WWOX: variants seen among roughly 807,000 people sequenced by gnomAD.
The protein encoded by WWOX is WW domain containing oxidoreductase.
WWOX carries 69 observed loss-of-function variants against 46.2 expected under a neutral mutation model. The ratio of observed to expected loss-of-function variants is 1.49; its 90% confidence interval spans 1.23 to 1.82. WWOX has a LOEUF of 1.82. Among genes scored for constraint, WWOX ranks in the 40% most tolerant of loss-of-function variants. WWOX has a pLI of 0.00. For synonymous variants in WWOX, 359 were observed against 202.6 expected (o/e 1.77, Z -6.56); for missense variants, 919 against 542.6 (o/e 1.69, Z -6.89).
At chr16:79,108,038 C>T (rs1266974174) in intron 8 of WWOX, among the ~76,000 whole-genome samples, 2 of 152,186 alleles carry the variant, frequency 1.3e-5, no homozygotes, top group Non-Finnish European at 2.9e-5. Context: ...ATGAGAACTG[C>T]ATGCTGACAT....
In WWOX at chr16:78,816,502, CTTTTTTTTTTTTTT is replaced by C. The variant is rs55814418; in HGVS notation, c.1056+383767_1056+383780del. On this transcript the variant is annotated intron_variant, in intron 8 of 8. Coordinates refer to ENST00000566780, the MANE Select transcript of WWOX (RefSeq NM_016373.4). ...ATCTACCAGACAAGAAGGAGCCACTCTTTTTTTTTTTTTTTTTTTTTTTTTTTTTTGATACAATG... is the reference window on the plus strand; with the variant it reads ...ATCTACCAGACAAGAAGGAGCCACTCTTTTTTTTTTTTTTTTGATACAATG... Among the ~76,000 whole-genome samples, 22 of 42,090 alleles carry C rather than the reference CTTTTTTTTTTTTTT, an allele frequency of 5.2e-4. 1 individual carries two copies. Among genetic ancestry groups the C allele is most frequent in the African/African-American group, 1.7e-3 (19 of 10,928 alleles). 27.6% of individuals were successfully genotyped at this position (42,090 alleles called of 152,430 possible). A position where few individuals can be genotyped will look rare whatever the true frequency, so the allele number is the denominator to read the frequency against.
intron 5 of WWOX, among the ~76,000 whole-genome samples, chr16:78,386,262 T>A (rs566962959): frequency 2.6e-5 from 4 of 152,158 alleles, no homozygotes; most frequent in Non-Finnish European, 5.9e-5. Flanking sequence ...TTATTACCAT[T>A]ATTATTCCTA....
Position 78,812,070 on chromosome 16 carries a change from A to C in WWOX, c.1056+379318A>C, listed in dbSNP as rs1319575080. Among the ~76,000 whole-genome samples, 3 of 152,224 alleles carry C rather than the reference A, an allele frequency of 2.0e-5. No individual in the cohort carries two copies. In the East Asian group the frequency reaches 5.8e-4, roughly 30 times the overall value. On this transcript the variant is annotated intron_variant, in intron 8 of 8. Transcript: ENST00000566780. ...CTCTCACACAGTAAGATCTTTCTGA[A>C]AAGGATCAAGTCTCATTCTCTTTTG...
At chr16:78,779,913 G>C (rs2050282743) in intron 8 of WWOX, among the ~76,000 whole-genome samples, 1 of 152,178 alleles carries the variant, frequency 6.6e-6, no homozygotes, top group Admixed American at 6.5e-5. Flanking sequence ...GATTAAAACA[G>C]AAGCTCTGAA....
At chr16:78,722,214 G>A (rs1400943201) in intron 8 of WWOX, among the ~76,000 whole-genome samples, 5 of 152,174 alleles carry the variant, frequency 3.3e-5, no homozygotes, top group Non-Finnish European at 7.3e-5. Flanking sequence ...CGCAGCTCCT[G>A]TAGTAGTTAT....
At chr16:79,115,458 CT>C (rs1390475487) in intron 8 of WWOX, among the ~76,000 whole-genome samples, 6 of 129,816 alleles carry the variant, frequency 4.6e-5, no homozygotes, top group Admixed American at 8.0e-5. Flanking sequence ...ACAGGTGCTG[CT>C]CTTGTTATAA....
At chr16:78,410,966 C>A (rs912565512) in intron 6 of WWOX, among the ~76,000 whole-genome samples, 2 of 152,148 alleles carry the variant, frequency 1.3e-5, no homozygotes, top group African/African-American at 4.8e-5. Context: ...AGGCGAACCT[C>A]AGTTCCCTGC....
chr16:79,114,407 C>T (rs866310979), intron 8 of WWOX, among the ~76,000 whole-genome samples: 5 of 151,422 alleles, frequency 3.3e-5, no homozygotes, highest in African/African-American at 1.2e-4. Flanking sequence ...CATGTATGCA[C>T]ATACCTACAT....
At chr16:78,732,617 A>C (rs2048995003) in intron 8 of WWOX, among the ~76,000 whole-genome samples, 1 of 152,188 alleles carries the variant, frequency 6.6e-6, no homozygotes, top group Non-Finnish European at 1.5e-5. Context: ...TCTAATCAAT[A>C]ATCTTAGCTA....
intron 8 of WWOX, among the ~76,000 whole-genome samples, chr16:78,980,518 C>T (rs931827806): frequency 1.1e-4 from 16 of 152,204 alleles, no homozygotes; most frequent in Non-Finnish European, 1.9e-4. Context: ...AATCCAGTCT[C>T]AATTAAAATA....
intron 6 of WWOX, among the ~76,000 whole-genome samples, chr16:78,405,446 A>G (rs2082505515): frequency 6.6e-6 from 1 of 152,206 alleles, no homozygotes; most frequent in South Asian, 2.1e-4. Flanking sequence ...TCAAATTTAA[A>G]GGAATAGCTG....
At chr16:78,421,681 C>A (rs764862115) in intron 6 of WWOX, among the ~76,000 whole-genome samples, 20 of 152,102 alleles carry the variant, frequency 1.3e-4, no homozygotes, top group Non-Finnish European at 2.9e-4. Flanking sequence ...TGGTCTGCCC[C>A]AGATGCAGGT....
At chr16:78,624,157 T>A (rs879836430) in intron 8 of WWOX, among the ~76,000 whole-genome samples, 2 of 152,208 alleles carry the variant, frequency 1.3e-5, no homozygotes, top group Non-Finnish European at 2.9e-5. Context: ...AAATTGGAAT[T>A]TTTGCTTTTG....
At chr16:79,024,017 A>G (rs753200974) in intron 8 of WWOX, among the ~76,000 whole-genome samples, 1 of 152,110 alleles carries the variant, frequency 6.6e-6, no homozygotes, top group African/African-American at 2.4e-5. Flanking sequence ...ATGACCTAAC[A>G]TGTGAATCTG....
chr16:78,912,450 C>T (rs1334968297), intron 8 of WWOX, among the ~76,000 whole-genome samples: 1 of 151,822 alleles, frequency 6.6e-6, no homozygotes, highest in East Asian at 1.9e-4. Flanking sequence ...GGGGTTTTTG[C>T]CTGCGTCTTC....
chr16:78,334,808 G>GCACACA lies in WWOX; in HGVS notation c.517-52033_517-52028dup, dbSNP rs752956790. 2.1e-3 allele frequency among the ~76,000 whole-genome samples: 162 copies of GCACACA among 78,824 alleles called. 1 individual carries two copies. Among genetic ancestry groups the GCACACA allele is most frequent in the Non-Finnish European group, 3.7e-3 (129 of 34,458 alleles). The allele number at this position is 78,824 out of a possible 152,430, so 51.7% of individuals were successfully genotyped here. On this transcript the variant is annotated intron_variant, in intron 5 of 8. Coordinates refer to ENST00000566780, the MANE Select transcript of WWOX (RefSeq NM_016373.4). ...GTCTCCCCTCCACACACACACACAC[G>GCACACA]CACACACACACACACACACACACAT...
chr16:78,938,884 C>T (rs141230382), intron 8 of WWOX, among the ~76,000 whole-genome samples: 2 of 152,216 alleles, frequency 1.3e-5, no homozygotes, highest in East Asian at 1.9e-4. Context: ...CCAGGGCCAG[C>T]CACGTGGGTA....
intron 8 of WWOX, among the ~76,000 whole-genome samples, chr16:79,193,267 G>T (rs1223482143): frequency 6.6e-6 from 1 of 152,180 alleles, no homozygotes; most frequent in African/African-American, 2.4e-5. Flanking sequence ...CCTGTAAAAT[G>T]ACCATAATAG....
intron 5 of WWOX, among the ~76,000 whole-genome samples, chr16:78,200,411 TA>T (rs1044035649): frequency 6.0e-5 from 9 of 150,716 alleles, no homozygotes; most frequent in Admixed American, 3.3e-4. Flanking sequence ...AGAAAAGGAA[TA>T]AAAAAAAGTT....
Sources: gnomAD v4.1 joint callset for allele counts (sites outside exome capture counted in the v4.1 genomes callset) on GRCh38, gnomAD v4.1.1 for gene constraint, MANE v1.5 for transcripts, NCBI Gene and HGNC (gene_info 2026-07-23, HGNC 2026-07-21) for gene names.